The following ATXN1 variants were observed in gnomAD, a reference collection of about 807,000 sequenced individuals.
The protein encoded by ATXN1 is ataxin-1.
A neutral mutation model predicts 56.4 loss-of-function variants in ATXN1; 8 were observed. That is an observed-to-expected ratio of 0.14 (90% CI 0.08 to 0.26). ATXN1 has a LOEUF of 0.26. Among genes scored for constraint, ATXN1 ranks in the 10% least tolerant of loss-of-function variants. ATXN1 has a pLI of 1.00. For synonymous variants in ATXN1, 514 were observed against 494.6 expected (o/e 1.04, Z -0.52); for missense variants, 987 against 1,106.5 (o/e 0.89, Z 1.53).
chr6:16,411,010 A>C (rs1758786138), intron 6 of ATXN1, among the ~76,000 whole-genome samples: 1 of 151,960 alleles, frequency 6.6e-6, no homozygotes, highest in South Asian at 2.1e-4. Context: ...CTGTAGTTTC[A>C]GCTACTTGGG....
intron 5 of ATXN1, among the ~76,000 whole-genome samples, chr6:16,490,215 C>G (rs144057459): frequency 6.6e-6 from 1 of 151,896 alleles, no homozygotes; most frequent in Non-Finnish European, 1.5e-5. Flanking sequence ...CTGTGTGTGG[C>G]CTCTCTACTT....
chr6:16,411,483 A>G (rs1224172450), intron 6 of ATXN1, among the ~76,000 whole-genome samples: 2 of 152,208 alleles, frequency 1.3e-5, no homozygotes, highest in East Asian at 1.9e-4. Flanking sequence ...GAAAAAGTTT[A>G]TATCTGATTA....
At position 16,555,230 on chromosome 6, in the gene ATXN1, C is replaced by A. The variant is rs556734401; in HGVS notation, c.-361+30550G>T. The stretch of plus-strand genomic sequence containing the variant: ...TCCTGATGTGATACTCTTTCCATCC[C>A]TTGCTTCCTGTGCTCCACTTACAAA... On this transcript the variant is annotated intron_variant, in intron 4 of 7. Transcript: ENST00000436367. Among the ~76,000 whole-genome samples the A allele has an allele frequency of 4.6e-5, 7 of 152,306 alleles. No homozygotes were observed. The East Asian group carries it at 1.4e-3, about 29-fold the overall frequency.
intron 6 of ATXN1, among the ~76,000 whole-genome samples, chr6:16,477,443 TAAG>T (rs1427308373): frequency 2.6e-5 from 4 of 152,146 alleles, no homozygotes; most frequent in Non-Finnish European, 1.5e-5. Flanking sequence ...GGAGAGCAAT[TAAG>T]AAGATTACAA....
At chr6:16,681,015 A>G (rs2113399965) in intron 2 of ATXN1, among the ~76,000 whole-genome samples, 1 of 152,304 alleles carries the variant, frequency 6.6e-6, no homozygotes, top group South Asian at 2.1e-4. Flanking sequence ...AAGACCAAAA[A>G]TTGTGTGTGG....
At chr6:16,508,056 G>A (rs1243553571) in intron 5 of ATXN1, among the ~76,000 whole-genome samples, 1 of 152,152 alleles carries the variant, frequency 6.6e-6, no homozygotes, top group Non-Finnish European at 1.5e-5. Context: ...TTAACTGTGG[G>A]CTTGGCTATA....
At chr6:16,484,641 G>A (rs1252579111) in intron 6 of ATXN1, among the ~76,000 whole-genome samples, 1 of 152,068 alleles carries the variant, frequency 6.6e-6, no homozygotes, top group Non-Finnish European at 1.5e-5. Flanking sequence ...AAGCTTCAGT[G>A]TCTCCCACTG....
chr6:16,432,727 CA>C (rs1226763941), intron 6 of ATXN1: 1 of 142,856 alleles, frequency 7.0e-6, no homozygotes, highest in Non-Finnish European at 1.5e-5. Flanking sequence ...TTTTTTTTTG[CA>C]ATGATCTAGA....
At position 16,328,317 on chromosome 6, in the gene ATXN1, C is replaced by T. The variant is rs751914422; in HGVS notation, c.-7G>A. Reference sequence around the variant, plus strand: ...GCTCTTGGTTGGATTTCATTTTTCGCCGTCCCCCCTCCACGGTGACTGTTT... The same window carrying T: ...GCTCTTGGTTGGATTTCATTTTTCGTCGTCCCCCCTCCACGGTGACTGTTT... On this transcript the variant is annotated 5_prime_UTR_variant, in exon 7 of 8. Coordinates refer to ENST00000436367, the MANE Select transcript of ATXN1 (RefSeq NM_001128164.2). The surrounding 1 kb of genome is among the most constrained non-coding windows in gnomAD (Gnocchi z 6.2). 1.3e-6 allele frequency: 2 copies of T among 1,498,904 alleles called. No individual in the cohort carries two copies. Among genetic ancestry groups the T allele is most frequent in the Non-Finnish European group, 1.8e-6 (2 of 1,129,666 alleles). 92.9% of individuals were successfully genotyped at this position (1,498,904 alleles called of 1,614,324 possible).
intron 3 of ATXN1, among the ~76,000 whole-genome samples, chr6:16,633,968 G>T (rs1337240007): frequency 1.3e-5 from 2 of 152,178 alleles, no homozygotes; most frequent in African/African-American, 4.8e-5. Flanking sequence ...CCGCACTACA[G>T]CTAACAATAT....
chr6:16,737,301 A>C (rs1038253306), intron 2 of ATXN1: 1 of 152,240 alleles, frequency 6.6e-6, no homozygotes. Flanking sequence ...CCCACAGCAA[A>C]GAACACAGAA....
At position 16,558,538 on chromosome 6, in the gene ATXN1, A is replaced by T. The variant is rs60592002; in HGVS notation, c.-361+27242T>A. ...CGTGCGCCACCATGTTTGGCTATTTATTATTATTATTATGTAAAAACAGGG... is the reference window on the plus strand; with the variant it reads ...CGTGCGCCACCATGTTTGGCTATTTTTTATTATTATTATGTAAAAACAGGG... On this transcript the variant is annotated intron_variant, in intron 4 of 7. Coordinates refer to ENST00000436367, the MANE Select transcript of ATXN1 (RefSeq NM_001128164.2). 7.4e-3 allele frequency among the ~76,000 whole-genome samples: 1,124 copies of T among 151,660 alleles called. 9 individuals carry two copies. The highest frequency in any genetic ancestry group is 0.026 in the African/African-American group (1,058 of 41,416).
intron 7 of ATXN1, among the ~76,000 whole-genome samples, chr6:16,314,455 C>G (rs1397781264): frequency 6.6e-6 from 1 of 152,126 alleles, no homozygotes; most frequent in Non-Finnish European, 1.5e-5. Context: ...TCAAAACATG[C>G]TGTCAATGCC....
chr6:16,729,965 G>T (rs1015909410), intron 2 of ATXN1, among the ~76,000 whole-genome samples: 7 of 152,176 alleles, frequency 4.6e-5, no homozygotes, highest in African/African-American at 1.7e-4. Flanking sequence ...TCATCTCAGA[G>T]ATGGCAACAG....
chr6:16,639,715 A>G (rs1334807715), intron 3 of ATXN1, among the ~76,000 whole-genome samples: 1 of 152,204 alleles, frequency 6.6e-6, no homozygotes, highest in Non-Finnish European at 1.5e-5. Context: ...AAAATAACAC[A>G]TTCACTCTGA....
At chr6:16,349,570 C>A (rs1438634263) in intron 6 of ATXN1, among the ~76,000 whole-genome samples, 1 of 152,080 alleles carries the variant, frequency 6.6e-6, no homozygotes, top group East Asian at 1.9e-4. Flanking sequence ...TTACTTCCTG[C>A]ATCATAGACA....
At chr6:16,651,495 G>C (rs1763891802) in intron 3 of ATXN1, among the ~76,000 whole-genome samples, 1 of 150,780 alleles carries the variant, frequency 6.6e-6, no homozygotes. Context: ...AGTAAGCTGA[G>C]ATGGTGCCAC....
chr6:16,565,280 T>A (rs934754449), intron 4 of ATXN1, among the ~76,000 whole-genome samples: 1 of 152,198 alleles, frequency 6.6e-6, no homozygotes, highest in Non-Finnish European at 1.5e-5. Context: ...AGGGTCCCTG[T>A]AAGCAATTGT....
rs192600384 is a variant in ATXN1, at chr6:16,531,286, A to T, written c.-360-8598T>A. On this transcript the variant is annotated intron_variant, in intron 4 of 7. Transcript: ENST00000436367. ...CACCAAAGTTTAGTACGAATAGGAA[A>T]TATCACAGAGGAAAGGCAGAATTCA... is the stretch of plus-strand genomic sequence containing the variant. Among the ~76,000 whole-genome samples the T allele has an allele frequency of 8.5e-5, 13 of 152,328 alleles. No homozygotes were observed. The East Asian group carries it at 2.5e-3, about 29-fold the overall frequency.
Sources: gnomAD v4.1 joint callset for allele counts (sites outside exome capture counted in the v4.1 genomes callset) on GRCh38, gnomAD v4.1.1 for gene constraint, Gnocchi (gnomAD v3.1) non-coding constraint, MANE v1.5 for transcripts, NCBI Gene and HGNC (gene_info 2026-07-23, HGNC 2026-07-21) for gene names.